The following BBS9 variants were observed in gnomAD, a reference collection of about 807,000 sequenced individuals.
BBS9 encodes Bardet-Biedl syndrome 9, also known as protein PTHB1.
BBS9 carries 89 observed loss-of-function variants against 117.7 expected under a neutral mutation model. That is an observed-to-expected ratio of 0.76 (90% confidence interval 0.64 to 0.90). The LOEUF (loss-of-function observed/expected upper bound fraction) is 0.90. Among genes scored for constraint, BBS9 ranks in the 40% least tolerant of loss-of-function variants. The probability of loss-of-function intolerance (pLI) is 0.00; values close to 1 mark genes in which losing one functional copy is unlikely to be tolerated. For synonymous variants in BBS9, 379 were observed against 370.9 expected (o/e 1.02, Z -0.25); for missense variants, 982 against 1,042.2 (o/e 0.94, Z 0.80).
Position 33,264,390 on chromosome 7 carries a change from A to G in BBS9, c.702+16A>G, listed in dbSNP as rs1406852538. The G allele has an allele frequency of 6.8e-6, 10 of 1,475,296 alleles. No individual in the cohort carries two copies. The highest frequency in any genetic ancestry group is 9.3e-6 in the Non-Finnish European group (10 of 1,071,564). The allele number at this position is 1,475,296 out of a possible 1,614,324, so 91.4% of individuals were successfully genotyped here. ...AAGACTAGTTGTAAGGCCTTTTTTTAATATATAAAAATTTCAATAATGCTA... is the reference window on the plus strand; with the variant it reads ...AAGACTAGTTGTAAGGCCTTTTTTTGATATATAAAAATTTCAATAATGCTA... On this transcript the variant is annotated intron_variant, in intron 7 of 22. Transcript: ENST00000242067.
At chr7:33,390,551 C>G (rs117049371) in intron 19 of BBS9, 14,738 of 963,098 alleles carry the variant, frequency 0.015, 125 homozygotes, top group South Asian at 0.021. Context: ...ATGTACCTTG[C>G]CATTCAATTT....
chr7:33,357,481 T>C (rs1327158849), intron 15 of BBS9, among the ~76,000 whole-genome samples: 1 of 151,746 alleles, frequency 6.6e-6, no homozygotes, highest in Admixed American at 6.6e-5. Flanking sequence ...TATTCTTTGC[T>C]CATGTTTGCT....
intron 9 of BBS9, among the ~76,000 whole-genome samples, chr7:33,317,395 TG>T (rs1810742633): frequency 1.3e-5 from 2 of 152,176 alleles, no homozygotes; most frequent in South Asian, 2.1e-4. Flanking sequence ...AAAAAAAAGC[TG>T]GCTGGGATTT....
At chr7:33,508,335 T>C (rs765652291) in intron 20 of BBS9, among the ~76,000 whole-genome samples, 5 of 152,224 alleles carry the variant, frequency 3.3e-5, no homozygotes, top group Non-Finnish European at 7.3e-5. Flanking sequence ...AAAGATACAA[T>C]GGGCTTCTTC....
At chr7:33,437,934 CA>C (rs921055457) in intron 19 of BBS9, among the ~76,000 whole-genome samples, 6 of 152,216 alleles carry the variant, frequency 3.9e-5, no homozygotes, top group African/African-American at 1.4e-4. Context: ...ACAGCTTTTG[CA>C]ACTTTTTCAA....
intron 19 of BBS9, among the ~76,000 whole-genome samples, chr7:33,433,167 C>A (rs550109302): frequency 6.6e-6 from 1 of 152,098 alleles, no homozygotes; most frequent in Admixed American, 6.5e-5. Context: ...TAACATATGG[C>A]ATATAATTTT....
chr7:33,245,876 A>G (rs1795258427), intron 5 of BBS9, among the ~76,000 whole-genome samples: 1 of 152,164 alleles, frequency 6.6e-6, no homozygotes, highest in Non-Finnish European at 1.5e-5. Context: ...TACTTGGAGT[A>G]TTTGGCTGAT....
At chr7:33,517,794 A>G (rs1243338232) in intron 20 of BBS9, among the ~76,000 whole-genome samples, 1 of 152,210 alleles carries the variant, frequency 6.6e-6, no homozygotes, top group African/African-American at 2.4e-5. Context: ...GTCTGACTCA[A>G]TGGAGTAACT....
chr7:33,568,226 A>C lies in BBS9; in HGVS notation c.2521+34050A>C, dbSNP rs184737299. On this transcript the variant is annotated intron_variant, in intron 21 of 22. Coordinates refer to ENST00000242067, the MANE Select transcript of BBS9 (RefSeq NM_198428.3). ...CATGACATGGATTTTTCTCTTTAAA[A>C]ATGTGTACGTGGCTTCCTCTCTGGA... Among the ~76,000 whole-genome samples, 342 of 152,170 alleles carry C rather than the reference A, an allele frequency of 2.2e-3. 2 individuals are homozygous for C. Among genetic ancestry groups the C allele is most frequent in the African/African-American group, 7.8e-3 (325 of 41,528 alleles).
intron 5 of BBS9, among the ~76,000 whole-genome samples, chr7:33,235,722 T>G (rs1296342282): frequency 6.6e-6 from 1 of 152,168 alleles, no homozygotes; most frequent in African/African-American, 2.4e-5. Context: ...GAAATATGTA[T>G]GCACTAAAGA....
At chr7:33,264,020 T>C (rs1240711274) in intron 6 of BBS9, among the ~76,000 whole-genome samples, 1 of 152,064 alleles carries the variant, frequency 6.6e-6, no homozygotes, top group Non-Finnish European at 1.5e-5. Flanking sequence ...CACATAAAAT[T>C]CTAATGGAAG....
chr7:33,425,857 G>A (rs1275194921), intron 19 of BBS9, among the ~76,000 whole-genome samples: 1 of 152,198 alleles, frequency 6.6e-6, no homozygotes, highest in Non-Finnish European at 1.5e-5. Flanking sequence ...ATGAGATCCA[G>A]CTTGACCTTA....
intron 6 of BBS9, among the ~76,000 whole-genome samples, chr7:33,261,086 ACTGT>A (rs946475342): frequency 4.0e-5 from 6 of 148,518 alleles, no homozygotes; most frequent in African/African-American, 5.0e-5. Flanking sequence ...TTTCCCACAT[ACTGT>A]CTATCTCCTA....
At chr7:33,259,586 ACTTGT>A (rs1344901677) in intron 6 of BBS9, among the ~76,000 whole-genome samples, 1 of 151,344 alleles carries the variant, frequency 6.6e-6, no homozygotes, top group African/African-American at 2.4e-5. Flanking sequence ...TGTTGCCCAG[ACTTGT>A]CTTGAGCTCT....
At chr7:33,170,582 A>G (rs1258415641) in intron 4 of BBS9, among the ~76,000 whole-genome samples, 1 of 151,282 alleles carries the variant, frequency 6.6e-6, no homozygotes, top group Non-Finnish European at 1.5e-5. Flanking sequence ...TATTCAGCAT[A>G]GTGTTGGAAG....
chr7:33,130,948 A>G (rs1789504017), intron 1 of BBS9, among the ~76,000 whole-genome samples: 1 of 152,356 alleles, frequency 6.6e-6, no homozygotes, highest in African/African-American at 2.4e-5. Context: ...AATAGTATAT[A>G]TAGTAATTTT....
Position 33,374,570 on chromosome 7 carries a change from G to C in BBS9, c.1789+6708G>C, listed in dbSNP as rs1823459507. 1.3e-5 allele frequency among the ~76,000 whole-genome samples: 2 copies of C among 152,108 alleles called. 1 individual carries two copies. The highest frequency in any genetic ancestry group is 4.1e-4 in the South Asian group (2 of 4,826). Reference sequence around the variant, plus strand: ...AGTAAGCGTTGAGAAACAATCCTTAGTTGCTAATATTGAAGAGGTTGTATA... The same window carrying C: ...AGTAAGCGTTGAGAAACAATCCTTACTTGCTAATATTGAAGAGGTTGTATA... On this transcript the variant is annotated intron_variant, in intron 17 of 22. Coordinates refer to ENST00000242067, the MANE Select transcript of BBS9 (RefSeq NM_198428.3).
At chr7:33,403,551 T>C (rs1474143809) in intron 19 of BBS9, among the ~76,000 whole-genome samples, 1 of 146,274 alleles carries the variant, frequency 6.8e-6, no homozygotes, top group African/African-American at 2.5e-5. Context: ...CATCTATGAG[T>C]GAGAACATGT....
chr7:33,287,786 G>T (rs1803181269), intron 9 of BBS9, among the ~76,000 whole-genome samples: 1 of 152,156 alleles, frequency 6.6e-6, no homozygotes, highest in Non-Finnish European at 1.5e-5. Flanking sequence ...TAATATTTAA[G>T]ACTATACAAG....
Sources: allele counts gnomAD v4.1 joint callset (sites outside exome capture counted in the v4.1 genomes callset), GRCh38; gene constraint gnomAD v4.1.1; transcripts MANE v1.5; gene names NCBI Gene and HGNC (gene_info 2026-07-23, HGNC 2026-07-21).